Variants in HDAC9 observed in about 807,000 individuals in gnomAD.
HDAC9 encodes histone deacetylase 9, also known as MEF-2 interacting transcription repressor (MITR) protein.
In HDAC9, 41 loss-of-function variants were observed where a neutral mutation model predicts 139.4. That is an observed-to-expected ratio of 0.29 (90% CI 0.23 to 0.38). HDAC9 has a LOEUF of 0.38. Ranked by LOEUF, HDAC9 falls within the 10% of genes least tolerant of loss-of-function variation. The probability of loss-of-function intolerance (pLI) is 1.00; values close to 1 mark genes in which losing one functional copy is unlikely to be tolerated. For missense variants in HDAC9, 1,147 were observed against 1,297.0 expected (o/e 0.88, Z 1.78); for synonymous variants, 517 against 476.2 (o/e 1.09, Z -1.12).
At chr7:18,441,652 T>C (rs1342452867) in intron 1 of HDAC9, among the ~76,000 whole-genome samples, 3 of 152,252 alleles carry the variant, frequency 2.0e-5, no homozygotes, top group Admixed American at 6.5e-5. Flanking sequence ...AGGAGACTTA[T>C]GTTTTAGAAA....
In HDAC9 at chr7:18,591,652, G is replaced by A. The variant is rs150067220; in HGVS notation, c.542+10G>A. On this transcript the variant is annotated intron_variant, in intron 5 of 25. Transcript: ENST00000686413. The stretch of plus-strand genomic sequence containing the variant: ...CCAAGCTCTGGTACACGTATGTTCA[G>A]TGTTTGGCTGTTTTCATTCCTGGGG... The A allele has an allele frequency of 9.8e-3, 15,727 of 1,612,090 alleles. 93 individuals carry two copies. The highest frequency in any genetic ancestry group is 0.012 in the Non-Finnish European group (14,406 of 1,178,814).
chr7:18,715,590 G>A (rs1010321842), intron 12 of HDAC9, among the ~76,000 whole-genome samples: 1 of 152,086 alleles, frequency 6.6e-6, no homozygotes, highest in African/African-American at 2.4e-5. Context: ...GAATGAGAGG[G>A]TATAAAGATT....
At chr7:18,111,970 A>G (rs1783648076) in intron 1 of HDAC9, among the ~76,000 whole-genome samples, 1 of 152,136 alleles carries the variant, frequency 6.6e-6, no homozygotes, top group African/African-American at 2.4e-5. Flanking sequence ...GGATTGTTAA[A>G]TTTTCAGGAA....
chr7:18,495,160 C>CT (rs371712365), upstream of HDAC9, among the ~76,000 whole-genome samples: 1 of 152,016 alleles, frequency 6.6e-6, no homozygotes, highest in South Asian at 2.1e-4. Context: ...AGTCCTGAAA[C>CT]TAGAAGGCAG....
intron 1 of HDAC9, among the ~76,000 whole-genome samples, chr7:18,324,069 G>A (rs1416828294): frequency 1.3e-5 from 2 of 151,526 alleles, no homozygotes; most frequent in Non-Finnish European, 2.9e-5. Flanking sequence ...AAAGCCCCAC[G>A]TCCAAATACA....
upstream of HDAC9, among the ~76,000 whole-genome samples, chr7:18,288,455 C>T (rs1260227173): frequency 6.6e-6 from 1 of 152,140 alleles, no homozygotes. Flanking sequence ...CTCAACCCTC[C>T]AGTCTTTCAC....
chr7:18,381,227 GA>G (rs1325721931), intron 1 of HDAC9, among the ~76,000 whole-genome samples: 5 of 132,120 alleles, frequency 3.8e-5, no homozygotes, highest in African/African-American at 5.6e-5. Context: ...AAAAGGAAAA[GA>G]AAAAAAAGAA....
chr7:18,326,588 G>A (rs985918354), intron 1 of HDAC9, among the ~76,000 whole-genome samples: 2 of 151,882 alleles, frequency 1.3e-5, no homozygotes, highest in African/African-American at 4.8e-5. Flanking sequence ...GATCTGATTA[G>A]GAAAAGCAAC....
At chr7:18,798,487 A>G (rs1792998509) in intron 17 of HDAC9, among the ~76,000 whole-genome samples, 1 of 152,194 alleles carries the variant, frequency 6.6e-6, no homozygotes. Flanking sequence ...TAGCCTTACC[A>G]AATCACAGCC....
chr7:18,395,812 A>G (rs1170402281), intron 1 of HDAC9, among the ~76,000 whole-genome samples: 2 of 152,094 alleles, frequency 1.3e-5, no homozygotes, highest in East Asian at 3.9e-4. Context: ...TTTTACCTCA[A>G]AAAGTTTTGA....
chr7:18,565,799 A>G lies in HDAC9; in HGVS notation c.23-19482A>G, dbSNP rs968693945. On this transcript the variant is annotated intron_variant, in intron 2 of 25. Coordinates refer to ENST00000686413, the MANE Select transcript of HDAC9 (RefSeq NM_178425.4). ...ATGAAATCTTTTTATGTTAACCAAA[A>G]AAAGAAAGAAAGAAAGAAAAGTATT... 5.9e-5 allele frequency among the ~76,000 whole-genome samples: 9 copies of G among 152,166 alleles called. No individual in the cohort carries two copies. In the East Asian group the frequency reaches 7.7e-4, roughly 13 times the overall value.
At chr7:18,954,819 G>C (rs1466272721) in intron 24 of HDAC9, among the ~76,000 whole-genome samples, 1 of 152,004 alleles carries the variant, frequency 6.6e-6, no homozygotes, top group Non-Finnish European at 1.5e-5. Context: ...GGCACTATTA[G>C]GTGTCCAGGA....
At chr7:18,433,137 CA>C (rs1790841751) in intron 1 of HDAC9, among the ~76,000 whole-genome samples, 1 of 152,066 alleles carries the variant, frequency 6.6e-6, no homozygotes, top group Non-Finnish European at 1.5e-5. Context: ...TAACTAAAAA[CA>C]AAAGCCACAT....
intron 1 of HDAC9, among the ~76,000 whole-genome samples, chr7:18,139,127 T>G (rs1430612698): frequency 2.1e-5 from 3 of 146,272 alleles, no homozygotes; most frequent in Non-Finnish European, 4.5e-5. Context: ...TGGACTTTTT[T>G]TTTTTTTTTT....
intron 2 of HDAC9, among the ~76,000 whole-genome samples, chr7:18,169,722 G>A (rs1200623651): frequency 6.6e-6 from 1 of 151,830 alleles, no homozygotes; most frequent in Non-Finnish European, 1.5e-5. Flanking sequence ...TTGGTTTTCT[G>A]TCCTTGTGAT....
intron 12 of HDAC9, among the ~76,000 whole-genome samples, chr7:18,708,849 C>G (rs559762148): frequency 1.3e-5 from 2 of 152,168 alleles, no homozygotes; most frequent in East Asian, 3.9e-4. Context: ...CACAGAAACA[C>G]TCACAAAAAG....
intron 1 of HDAC9, among the ~76,000 whole-genome samples, chr7:18,434,260 A>G (rs1790965359): frequency 6.6e-6 from 1 of 152,252 alleles, no homozygotes; most frequent in Non-Finnish European, 1.5e-5. Flanking sequence ...TACGAAAATC[A>G]AATCAAGATG....
intron 1 of HDAC9, among the ~76,000 whole-genome samples, chr7:18,131,396 G>C (rs1010329170): frequency 6.6e-5 from 10 of 152,122 alleles, no homozygotes; most frequent in African/African-American, 2.4e-4. Flanking sequence ...AAATGTTATG[G>C]TTAAAGAACG....
At chr7:18,916,884 C>T (rs1424214698) in intron 22 of HDAC9, among the ~76,000 whole-genome samples, 2 of 152,038 alleles carry the variant, frequency 1.3e-5, no homozygotes, top group Non-Finnish European at 2.9e-5. Context: ...TTTCTTTTCT[C>T]TCCCACAATG....
Sources: gnomAD v4.1 joint callset for allele counts (sites outside exome capture counted in the v4.1 genomes callset) on GRCh38, gnomAD v4.1.1 for gene constraint, MANE v1.5 for transcripts, NCBI Gene and HGNC (gene_info 2026-07-23, HGNC 2026-07-21) for gene names.